KIF1B: variants seen among roughly 807,000 people sequenced by gnomAD.
KIF1B encodes kinesin family member 1B, also known as kinesin-like protein KIF1B.
A neutral mutation model predicts 241.9 loss-of-function variants in KIF1B; 76 were observed. The observed-to-expected ratio is 0.31, with a 90% CI of 0.26 to 0.38. The LOEUF (loss-of-function observed/expected upper bound fraction) is 0.38, where lower values mean the gene tolerates loss of function less well. Among genes scored for constraint, KIF1B ranks in the 10% least tolerant of loss-of-function variants. The pLI is 1.00. For synonymous variants in KIF1B, 750 were observed against 796.7 expected (o/e 0.94, Z 0.99); for missense variants, 1,622 against 2,271.4 (o/e 0.71, Z 5.81).
At chr1:10,300,630 A>G (rs1343500063) in intron 22 of KIF1B, among the ~76,000 whole-genome samples, 2 of 152,230 alleles carry the variant, frequency 1.3e-5, no homozygotes, top group Non-Finnish European at 2.9e-5. Flanking sequence ...GGAAAAGAAA[A>G]ACAGCCAGAA....
chr1:10,268,063 TTGTTATGCTTATAATGTGGA>T lies in KIF1B; in HGVS notation c.609-88_609-69del. Reference sequence around the variant, plus strand: ...ATAAGTTTAAGACTATTGCTTGTGATTGTTATGCTTATAATGTGGAGCCTGCTGTCCATTTCAACTCTCAT... The same window carrying T: ...ATAAGTTTAAGACTATTGCTTGTGATGCCTGCTGTCCATTTCAACTCTCAT... On this transcript the variant is annotated intron_variant, in intron 6 of 48. Transcript: ENST00000676179. 3 of 831,410 alleles carry T rather than the reference TTGTTATGCTTATAATGTGGA, an allele frequency of 3.6e-6. No homozygotes were observed. The South Asian group carries it at 4.3e-5, about 12-fold the overall frequency. 51.5% of individuals were successfully genotyped at this position (831,410 alleles called of 1,614,324 possible). A position where few individuals can be genotyped will look rare whatever the true frequency, so the allele number is the denominator to read the frequency against.
At chr1:10,229,892 A>AG (rs1557650983) in intron 1 of KIF1B, among the ~76,000 whole-genome samples, 3 of 149,368 alleles carry the variant, frequency 2.0e-5, no homozygotes, top group African/African-American at 7.4e-5. Context: ...AAAAAAAAAA[A>AG]AAAGAAAAGA....
rs1315397628 is a variant in KIF1B at position 10,339,978 on chromosome 1, A to G, written c.3513+119A>G. The G allele has an allele frequency of 1.3e-5, 11 of 848,404 alleles. No homozygotes were observed. In the East Asian group the frequency reaches 2.4e-4, roughly 18 times the overall value. The allele number at this position is 848,404 out of a possible 1,614,324, so 52.6% of individuals were successfully genotyped here. On this transcript the variant is annotated intron_variant, in intron 32 of 48. Coordinates refer to ENST00000676179, the MANE Select transcript of KIF1B (RefSeq NM_001365951.3). Reference sequence around the variant, plus strand: ...TGGCTGTGCAGGGGGAGAGTAGACAATAGAGGGCGTGGCTAGAGTGGTGAG... The same window carrying G: ...TGGCTGTGCAGGGGGAGAGTAGACAGTAGAGGGCGTGGCTAGAGTGGTGAG...
At chr1:10,343,354 T>A (rs1399446609) in intron 34 of KIF1B, 67 bp downstream of exon 34, 4 of 1,472,536 alleles carry the variant, frequency 2.7e-6, no homozygotes, top group Non-Finnish European at 2.8e-6. Context: ...CTGAATGACT[T>A]TTCAAATAGA....
rs1651726357 is a variant in KIF1B at position 10,326,417 on chromosome 1, C to T, written c.2924+58C>T. On this transcript the variant is annotated intron_variant, in intron 27 of 48. Transcript: ENST00000676179. This position sits in a 1 kb window ranked among gnomAD's most constrained non-coding sequence, Gnocchi z 5.2. ...GGACCAGCTCTTGCTCTGAAGGCCT[C>T]CCTGCTTGCACAATTTTGGATAACC... The T allele has an allele frequency of 6.2e-7, 1 of 1,610,010 alleles. No homozygotes were observed. Among genetic ancestry groups the T allele is most frequent in the Non-Finnish European group, 8.5e-7 (1 of 1,178,446 alleles).
chr1:10,342,162 T>G lies in KIF1B; in HGVS notation c.3626T>G (p.Leu1209Arg). 6.3e-7 allele frequency: 1 copy of G among 1,597,098 alleles called. No individual in the cohort carries two copies. The highest frequency in any genetic ancestry group is 8.6e-7 in the Non-Finnish European group (1 of 1,164,462). Residue 1209 changes from leucine to arginine, a missense_variant, in exon 33 of 49, where the codon CTT (leucine) becomes CGT (arginine). Physicochemically the swap from Leu to Arg is moderately radical, Grantham distance 102. Transcript: ENST00000676179. ...CCACTTCATCTGCAAGGACAGGAGC[T>G]TAACAGGTTTGGACCAGATAAGCAA... Reference protein sequence around the residue: ...QHPLHLQGQELNSPPQPCRRF... With the variant: ...QHPLHLQGQERNSPPQPCRRF...
chr1:10,364,135 G>A (rs184818191), intron 41 of KIF1B, among the ~76,000 whole-genome samples: 3 of 151,300 alleles, frequency 2.0e-5, no homozygotes, highest in Admixed American at 2.0e-4. Context: ...GAGCTACTGA[G>A]TGTGTGTATG....
intron 9 of KIF1B, among the ~76,000 whole-genome samples, chr1:10,272,715 GT>G (rs200198962): frequency 0.019 from 2,537 of 134,596 alleles, 32 homozygotes; most frequent in African/African-American, 0.029. Flanking sequence ...AGGGCCAGTA[GT>G]TTTTTTTTTT....
At chr1:10,332,517 T>TTTTTTTTTTTTTTTG in intron 27 of KIF1B, among the ~76,000 whole-genome samples, 1 of 120,964 alleles carries the variant, frequency 8.3e-6, no homozygotes, top group African/African-American at 3.2e-5. Context: ...TTTTTTTTTT[T>TTTTTTTTTTTTTTTG]TTTTTTTTTT....
At chr1:10,265,514 G>A (rs965373278) in intron 5 of KIF1B, among the ~76,000 whole-genome samples, 1 of 152,126 alleles carries the variant, frequency 6.6e-6, no homozygotes, top group Non-Finnish European at 1.5e-5. Flanking sequence ...GGGATTCCAG[G>A]CATGAGCCAC....
chr1:10,261,441 A>G (rs1210290627), intron 4 of KIF1B, among the ~76,000 whole-genome samples: 10 of 151,810 alleles, frequency 6.6e-5, no homozygotes, highest in Admixed American at 6.6e-4. Context: ...ATGGGGTTTC[A>G]CCATGTTGGC....
chr1:10,333,863 T>G (rs1354367075), intron 27 of KIF1B, among the ~76,000 whole-genome samples: 1 of 150,732 alleles, frequency 6.6e-6, no homozygotes. Context: ...AATTAAAAGG[T>G]TAAGCTCGCC....
At chr1:10,258,698 C>A (rs758620479) in intron 4 of KIF1B, 26 bp downstream of exon 4, 5 of 1,609,310 alleles carry the variant, frequency 3.1e-6, no homozygotes, top group South Asian at 1.1e-5. Context: ...AAACAAAAAT[C>A]TTCTCTTCAT....
intron 24 of KIF1B, among the ~76,000 whole-genome samples, chr1:10,323,424 C>G (rs1227968023): frequency 6.6e-6 from 1 of 152,078 alleles, no homozygotes; most frequent in Non-Finnish European, 1.5e-5. Context: ...AGTTCAAGAC[C>G]AGCCTGGGCA....
intron 5 of KIF1B, among the ~76,000 whole-genome samples, chr1:10,265,665 T>G (rs767291991): frequency 2.3e-4 from 35 of 152,184 alleles, no homozygotes; most frequent in Admixed American, 6.5e-4. Context: ...GGCAACGTGG[T>G]GAGACCCTGT....
At chr1:10,370,598 A>G (rs1638704792) in intron 44 of KIF1B, among the ~76,000 whole-genome samples, 1 of 150,200 alleles carries the variant, frequency 6.7e-6, no homozygotes. Flanking sequence ...AATAATAAGA[A>G]GAAGAAGAAG....
chr1:10,310,415 A>G lies in KIF1B; in HGVS notation c.2116-9628A>G, dbSNP rs868551241. On this transcript the variant is annotated intron_variant, in intron 22 of 48. Coordinates refer to ENST00000676179, the MANE Select transcript of KIF1B (RefSeq NM_001365951.3). ...CATTTTCTGTAAAACACTAGATAGT[A>G]AATATTTTAGACTTAGTGGACCATG... 2.0e-5 allele frequency among the ~76,000 whole-genome samples: 3 copies of G among 151,626 alleles called. 1 individual carries two copies. The highest frequency in any genetic ancestry group is 7.3e-5 in the African/African-American group (3 of 40,874).
intron 2 of KIF1B, among the ~76,000 whole-genome samples, chr1:10,247,012 G>A (rs1647226881): frequency 1.3e-5 from 2 of 151,974 alleles, no homozygotes; most frequent in Admixed American, 6.6e-5. Flanking sequence ...CTACAGGTGC[G>A]TGCTACCACA....
chr1:10,313,996 G>C (rs996230827), intron 22 of KIF1B, among the ~76,000 whole-genome samples: 1 of 151,366 alleles, frequency 6.6e-6, no homozygotes, highest in Non-Finnish European at 1.5e-5. Flanking sequence ...CTGGGTTCAA[G>C]CAGTTCTCCT....
Sources: gnomAD v4.1 joint callset for allele counts (sites outside exome capture counted in the v4.1 genomes callset) on GRCh38, gnomAD v4.1.1 for gene constraint, Gnocchi (gnomAD v3.1) non-coding constraint, MANE v1.5 for transcripts, NCBI Gene and HGNC (gene_info 2026-07-23, HGNC 2026-07-21) for gene names.